The following MRPS18A variants were observed in gnomAD, a reference collection of about 807,000 sequenced individuals.
MRPS18A encodes the protein mitochondrial ribosomal protein S18A, also known as large ribosomal subunit protein mL66.
Under a neutral mutation model 22.7 loss-of-function variants are expected in MRPS18A, and 20 were observed. The ratio of observed to expected loss-of-function variants is 0.88; its 90% CI spans 0.62 to 1.28. The LOEUF (loss-of-function observed/expected upper bound fraction) is 1.28. Ranked by LOEUF, MRPS18A falls within the 50% of genes most tolerant of loss-of-function variation. The pLI, the probability that MRPS18A is intolerant of heterozygous loss-of-function variation, is 0.00. For synonymous variants in MRPS18A, 106 were observed against 99.1 expected, an observed-to-expected ratio of 1.07 and a Z score of -0.41; for missense variants, 294 against 262.6, an observed-to-expected ratio of 1.12 and a Z score of -0.83.
intron 1 of MRPS18A, among the ~76,000 whole-genome samples, chr6:43,686,340 T>C (rs533584459): frequency 7.1e-6 from 1 of 140,730 alleles, no homozygotes; most frequent in Admixed American, 7.1e-5. Flanking sequence ...AAATGAAACA[T>C]CCAAGTCCTC....
At chr6:43,680,381 G>A (rs144017668) in intron 2 of MRPS18A, among the ~76,000 whole-genome samples, 14 of 152,184 alleles carry the variant, frequency 9.2e-5, no homozygotes, top group African/African-American at 3.1e-4. Context: ...CTACCTAAAG[G>A]GTTAAATATC....
chr6:43,677,207 G>A (rs1245150592), intron 3 of MRPS18A, among the ~76,000 whole-genome samples: 1 of 152,166 alleles, frequency 6.6e-6, no homozygotes, highest in African/African-American at 2.4e-5. Flanking sequence ...TCCGCATGGT[G>A]AGCGGCTGGG....
At chr6:43,681,164 G>A in intron 1 of MRPS18A, 44 bp from the exon 2 acceptor site, 1 of 1,587,076 alleles carries the variant, frequency 6.3e-7, no homozygotes, top group Non-Finnish European at 8.6e-7. Context: ...CATTTAATAA[G>A]GAACAGAGAG....
Position 43,675,593 on chromosome 6 carries a change from T to G in MRPS18A, c.277A>C (p.Ile93Leu). 2 of 1,613,308 alleles carry G rather than the reference T, an allele frequency of 1.2e-6. No individual in the cohort carries two copies. Among genetic ancestry groups the G allele is most frequent in the South Asian group, 2.2e-5 (2 of 91,066 alleles). The change falls in exon 4 of 6, where the codon ATC becomes CTC. Residue 93 changes from isoleucine to leucine, a missense_variant. Transcript: ENST00000372133. ...YDDVLLLSQF[I>L]RPHGGMLPRK... The stretch of plus-strand genomic sequence containing the variant: ...GGCAGCATGCCTCCATGAGGCCGGA[T>G]GAACTGGCTAAGCAGCAGAACATCC...
rs762661362 is a variant in MRPS18A at position 43,687,780 on chromosome 6, C to T, written c.-1G>A. The T allele has an allele frequency of 1.9e-6, 3 of 1,565,836 alleles. No homozygotes were observed. The highest frequency in any genetic ancestry group is 1.2e-5 in the South Asian group (1 of 85,294). On this transcript the variant is annotated 5_prime_UTR_variant, in exon 1 of 6. Coordinates refer to ENST00000372133, the MANE Select transcript of MRPS18A (RefSeq NM_018135.4). Reference sequence around the variant, plus strand: ...ACACCAGAGCCTTGAGGGCCGCCATCTTCAAAAACCTACCCTGACCTCTCG... The same window carrying T: ...ACACCAGAGCCTTGAGGGCCGCCATTTTCAAAAACCTACCCTGACCTCTCG...
At chr6:43,686,428 CT>C (rs571726954) in intron 1 of MRPS18A, among the ~76,000 whole-genome samples, 92 of 152,252 alleles carry the variant, frequency 6.0e-4, no homozygotes, top group Admixed American at 2.3e-3. Flanking sequence ...AATATCCAGA[CT>C]TTTTTTTCTA....
intron 2 of MRPS18A, among the ~76,000 whole-genome samples, chr6:43,679,971 G>A (rs1274172680): frequency 6.6e-6 from 1 of 152,158 alleles, no homozygotes; most frequent in East Asian, 1.9e-4. Flanking sequence ...TGAGGTAGGT[G>A]TCTGATCTTA....
intron 1 of MRPS18A, among the ~76,000 whole-genome samples, chr6:43,685,035 C>G (rs1023064918): frequency 5.9e-5 from 9 of 152,174 alleles, no homozygotes; most frequent in Admixed American, 6.5e-5. Context: ...ATAAGGGAGG[C>G]CCTGCCATGG....
In MRPS18A at chr6:43,680,524, C is replaced by A. The variant is rs74685616; in HGVS notation, c.144+565G>T. The stretch of plus-strand genomic sequence containing the variant: ...TTATAGGATAATCTAGGCCCCATGA[C>A]TCCCCAAGGAAGGGAGGTGGGATGG... On this transcript the variant is annotated intron_variant, in intron 2 of 5. Transcript: ENST00000372133. Among the ~76,000 whole-genome samples, 4 of 152,326 alleles carry A rather than the reference C, an allele frequency of 2.6e-5. No homozygotes were observed. In the East Asian group the frequency reaches 7.7e-4, roughly 29 times the overall value.
chr6:43,672,001 T>A (rs1226290772), intron 5 of MRPS18A, 95 bp from the exon 6 acceptor site: 1 of 1,374,510 alleles, frequency 7.3e-7, no homozygotes, highest in African/African-American at 1.5e-5. Context: ...AGGCCACGGT[T>A]GGGCAAGCAA....
chr6:43,679,443 T>C (rs368531060), intron 2 of MRPS18A, among the ~76,000 whole-genome samples: 1 of 152,358 alleles, frequency 6.6e-6, no homozygotes, highest in East Asian at 1.9e-4. Context: ...TCATGCTCCT[T>C]GCTTTTATCA....
At chr6:43,675,900 C>A (rs371188642) in intron 3 of MRPS18A, among the ~76,000 whole-genome samples, 4 of 152,068 alleles carry the variant, frequency 2.6e-5, no homozygotes. Flanking sequence ...GTTGCCCAGG[C>A]TGGAGTGCAG....
intron 1 of MRPS18A, among the ~76,000 whole-genome samples, chr6:43,684,966 T>C (rs7757349): frequency 1.3e-5 from 2 of 152,028 alleles, no homozygotes; most frequent in African/African-American, 2.4e-5. Context: ...CCAACCATAA[T>C]GGCACTAAAT....
chr6:43,677,180 C>T (rs1485206812), intron 3 of MRPS18A, among the ~76,000 whole-genome samples: 1 of 152,126 alleles, frequency 6.6e-6, no homozygotes, highest in African/African-American at 2.4e-5. Context: ...CCAAGGATGC[C>T]CACAACCCCA....
intron 1 of MRPS18A, among the ~76,000 whole-genome samples, chr6:43,684,392 T>C (rs1326112164): frequency 1.3e-5 from 2 of 152,040 alleles, no homozygotes; most frequent in African/African-American, 4.8e-5. Flanking sequence ...AGGTGTGCCA[T>C]GTTTGGGATG....
intron 3 of MRPS18A, 106 bp from the exon 4 acceptor site, chr6:43,675,723 C>T (rs1314092058): frequency 2.2e-6 from 3 of 1,351,124 alleles, no homozygotes; most frequent in Non-Finnish European, 3.0e-6. Context: ...TCCTGGGAAC[C>T]TAGCTGAGAT....
intron 1 of MRPS18A, among the ~76,000 whole-genome samples, 190 bp from the exon 2 acceptor site, chr6:43,681,310 G>C (rs1774400536): frequency 6.6e-6 from 1 of 152,226 alleles, no homozygotes; most frequent in African/African-American, 2.4e-5. Context: ...CCTTGAGGCG[G>C]GGTGGGGGCA....
Position 43,671,835 on chromosome 6 carries a change from C to A in MRPS18A, c.518G>T (p.Arg173Leu), listed in dbSNP as rs138289141. 37 of 1,614,012 alleles carry A rather than the reference C, an allele frequency of 2.3e-5. No homozygotes were observed. In the Middle Eastern group the frequency reaches 1.8e-3, roughly 79 times the overall value. ...CAGAAGGGGTGACCCCACGGGCATG[C>A]GCACCCTGTTCCAGCGGGGGCCTTT... ...YKKGPRWNRV[R>L]MPVGSPLLRD... The change falls in exon 6 of 6, where the codon CGC becomes CTC. Residue 173 changes from arginine to leucine, a missense_variant. Transcript: ENST00000372133.
intron 1 of MRPS18A, among the ~76,000 whole-genome samples, chr6:43,687,246 C>A (rs939078045): frequency 6.6e-6 from 1 of 152,144 alleles, no homozygotes; most frequent in Admixed American, 6.5e-5. Flanking sequence ...CAGATCACAG[C>A]ATTTTGAGAA....
Sources: allele counts gnomAD v4.1 joint callset (sites outside exome capture counted in the v4.1 genomes callset), GRCh38; gene constraint gnomAD v4.1.1; transcripts MANE v1.5; gene names NCBI Gene and HGNC (gene_info 2026-07-23, HGNC 2026-07-21).